Variants in MYO3B observed in about 807,000 individuals in gnomAD.
MYO3B encodes myosin IIIB.
Under a neutral mutation model 174.6 loss-of-function variants are expected in MYO3B, and 156 were observed. The observed-to-expected ratio is 0.89, with a 90% CI of 0.78 to 1.02. The LOEUF is 1.02. Among genes scored for constraint, MYO3B ranks in the 50% least tolerant of loss-of-function variants. MYO3B has a pLI of 0.00. For missense variants in MYO3B, 1,632 were observed against 1,639.4 expected (o/e 1.00, Z 0.08); for synonymous variants, 563 against 569.1 (o/e 0.99, Z 0.15).
intron 21 of MYO3B, 112 bp from the exon 22 acceptor site, chr2:170,407,603 T>C: frequency 2.3e-6 from 1 of 430,726 alleles, no homozygotes. Context: ...GAAAGCTATG[T>C]AAAGATGAGT....
chr2:170,526,070 C>T (rs1688980074), intron 30 of MYO3B, among the ~76,000 whole-genome samples: 1 of 152,140 alleles, frequency 6.6e-6, no homozygotes, highest in South Asian at 2.1e-4. Flanking sequence ...ATGTGGTAAA[C>T]ACTGTATGTA....
At chr2:170,263,161 G>A (rs983544534) in intron 7 of MYO3B, among the ~76,000 whole-genome samples, 5 of 152,184 alleles carry the variant, frequency 3.3e-5, no homozygotes, top group Non-Finnish European at 5.9e-5. Flanking sequence ...GGTTTATCAT[G>A]AGTTGGTAGG....
rs375462731 is a variant in MYO3B, at chr2:170,199,348, G to C, written c.143G>C (p.Arg48Thr). 6.2e-7 allele frequency: 1 copy of C among 1,613,084 alleles called. No individual in the cohort carries two copies. The highest frequency in any genetic ancestry group is 8.5e-7 in the Non-Finnish European group (1 of 1,179,554). Reference protein sequence around the residue: ...YGKVYKVTNKRDGSLAAVKIL... With the variant: ...YGKVYKVTNKTDGSLAAVKIL... ...AAAGTCTACAAGGTAACTAACAAGA[G>C]AGATGGGAGCCTGGCTGCAGTGAAA... The change falls in exon 2 of 35, where the codon AGA becomes ACA. Residue 48 changes from arginine to threonine, a missense_variant. Coordinates refer to ENST00000408978, the MANE Select transcript of MYO3B (RefSeq NM_138995.5).
At chr2:170,294,637 A>G (rs542403446) in intron 7 of MYO3B, among the ~76,000 whole-genome samples, 1 of 152,304 alleles carries the variant, frequency 6.6e-6, no homozygotes, top group South Asian at 2.1e-4. Context: ...GCAAGGTTCA[A>G]CATATCACCA....
At chr2:170,461,466 CAA>C (rs1178003357) in intron 23 of MYO3B, among the ~76,000 whole-genome samples, 11 of 42,290 alleles carry the variant, frequency 2.6e-4, no homozygotes, top group African/African-American at 4.9e-4. Context: ...AACTCAGTCT[CAA>C]AAAAAAAAAA....
Position 170,478,163 on chromosome 2 carries a change from C to T in MYO3B, c.3014+11452C>T, listed in dbSNP as rs78999120. On this transcript the variant is annotated intron_variant, in intron 25 of 34. Transcript: ENST00000408978. ...CCTGACCTGGGTCCCGTGACCATTC[C>T]TAGCTTCAGGGAGAGGCTTAGAAAG... Among the ~76,000 whole-genome samples, 1,188 of 152,234 alleles carry T rather than the reference C, an allele frequency of 7.8e-3. 22 individuals carry two copies. The highest frequency in any genetic ancestry group is 0.027 in the African/African-American group (1,117 of 41,548).
rs377125321 is a variant in MYO3B, at chr2:170,401,515, C to G, written c.1953C>G (p.Leu651=). 4 of 1,613,988 alleles carry G rather than the reference C, an allele frequency of 2.5e-6. No homozygotes were observed. The African/African-American group carries it at 5.3e-5, about 22-fold the overall frequency. ...ASVLCISPEE[L]QEALTSHCVV... ...TTCTGTGCATTAGCCCTGAAGAGCT[C>G]CAGGAGGCCCTCACCTCCCACTGTG... Residue 651 remains leucine (L), a synonymous_variant, in exon 18 of 35, where the codon CTC becomes CTG. Coordinates refer to ENST00000408978, the MANE Select transcript of MYO3B (RefSeq NM_138995.5).
chr2:170,629,711 A>G (rs1156461813), intron 32 of MYO3B, among the ~76,000 whole-genome samples: 1 of 152,098 alleles, frequency 6.6e-6, no homozygotes. Flanking sequence ...TTAGCTGGGC[A>G]TGGTGGCACA....
chr2:170,515,677 G>A lies in MYO3B; in HGVS notation c.3472+655G>A, dbSNP rs142217394. Among the ~76,000 whole-genome samples the A allele has an allele frequency of 7.0e-3, 1,072 of 152,078 alleles. 6 individuals are homozygous for A. Among genetic ancestry groups the A allele is most frequent in the African/African-American group, 0.024 (1,006 of 41,496 alleles). On this transcript the variant is annotated intron_variant, in intron 29 of 34. Transcript: ENST00000408978. ...GAGAGGCTATGATTTTTGAAGTATGGTCTTTAATGCCAGCACCTGCATTTG... is the reference window on the plus strand; with the variant it reads ...GAGAGGCTATGATTTTTGAAGTATGATCTTTAATGCCAGCACCTGCATTTG...
intron 17 of MYO3B, among the ~76,000 whole-genome samples, chr2:170,400,650 C>A (rs928463007): frequency 6.6e-5 from 6 of 91,558 alleles, no homozygotes; most frequent in Admixed American, 3.8e-4. Context: ...TGATCCACCC[C>A]CCCCCCCTCG....
At position 170,502,909 on chromosome 2, in the gene MYO3B, C is replaced by T. The variant is rs79379804; in HGVS notation, c.3370+1044C>T. Reference sequence around the variant, plus strand: ...AGAAGCCTGATGTCTTCATTCAAAACGAAAATAGTTGGGCGGAAAGAGTGC... The same window carrying T: ...AGAAGCCTGATGTCTTCATTCAAAATGAAAATAGTTGGGCGGAAAGAGTGC... On this transcript the variant is annotated intron_variant, in intron 28 of 34. Transcript: ENST00000408978. Among the ~76,000 whole-genome samples the T allele has an allele frequency of 6.4e-4, 97 of 152,280 alleles. No individual in the cohort carries two copies. In the East Asian group the frequency reaches 0.016, roughly 25 times the overall value.
intron 19 of MYO3B, 91 bp from the exon 20 acceptor site, chr2:170,404,156 G>A: frequency 7.6e-7 from 1 of 1,318,388 alleles, no homozygotes; most frequent in Non-Finnish European, 1.0e-6. Context: ...TGCATTCAAT[G>A]TTGCTAGACC....
intron 22 of MYO3B, among the ~76,000 whole-genome samples, chr2:170,437,724 C>A (rs1391122676): frequency 1.3e-5 from 2 of 152,082 alleles, no homozygotes; most frequent in Non-Finnish European, 2.9e-5. Flanking sequence ...CAACCATGAA[C>A]CTAGGATGGG....
In MYO3B at chr2:170,651,604, A is replaced by G. The variant is rs574919887; in HGVS notation, c.3734-24A>G. ...TTTCCCAACACCTCGGACAGTTTACAGCAAAGTTTTGCTCTTTTTTCAGGT... is the reference window on the plus strand; with the variant it reads ...TTTCCCAACACCTCGGACAGTTTACGGCAAAGTTTTGCTCTTTTTTCAGGT... On this transcript the variant is annotated intron_variant, in intron 32 of 34. Coordinates refer to ENST00000408978, the MANE Select transcript of MYO3B (RefSeq NM_138995.5). The G allele has an allele frequency of 1.9e-6, 3 of 1,606,520 alleles. No homozygotes were observed. The African/African-American group carries it at 4.0e-5, about 21-fold the overall frequency.
At chr2:170,283,747 T>C (rs962361927) in intron 7 of MYO3B, among the ~76,000 whole-genome samples, 3 of 152,200 alleles carry the variant, frequency 2.0e-5, no homozygotes, top group Non-Finnish European at 4.4e-5. Context: ...AGGCTAGAGG[T>C]GAGCAGTAGT....
At chr2:170,562,669 A>C (rs536222228) in intron 32 of MYO3B, among the ~76,000 whole-genome samples, 1 of 152,350 alleles carries the variant, frequency 6.6e-6, no homozygotes, top group African/African-American at 2.4e-5. Flanking sequence ...GAGGCTGTGC[A>C]TTGACAGATA....
chr2:170,420,850 C>A (rs149813197), intron 22 of MYO3B, among the ~76,000 whole-genome samples: 2,648 of 152,184 alleles, frequency 0.017, 41 homozygotes, highest in South Asian at 0.051. Context: ...TACTTCTGCT[C>A]CCCACCGACA....
intron 8 of MYO3B, among the ~76,000 whole-genome samples, chr2:170,359,483 A>G (rs1364708240): frequency 6.6e-6 from 1 of 152,210 alleles, no homozygotes; most frequent in Non-Finnish European, 1.5e-5. Context: ...CATGAACCTC[A>G]GTTTAATGTG....
At chr2:170,368,247 C>T (rs902684944) in intron 8 of MYO3B, among the ~76,000 whole-genome samples, 37 of 152,264 alleles carry the variant, frequency 2.4e-4, no homozygotes, top group Admixed American at 2.2e-3. Context: ...AAACTAAAGA[C>T]GTTTATTTCA....
Sources: gnomAD v4.1 joint callset for allele counts (sites outside exome capture counted in the v4.1 genomes callset) on GRCh38, gnomAD v4.1.1 for gene constraint, MANE v1.5 for transcripts, NCBI Gene and HGNC (gene_info 2026-07-23, HGNC 2026-07-21) for gene names.